The following PPP3CA variants were observed in gnomAD, a reference collection of about 807,000 sequenced individuals.
The protein encoded by PPP3CA is CAM-PRP catalytic subunit.
A neutral mutation model predicts 66.5 loss-of-function variants in PPP3CA; 14 were observed. The ratio of observed to expected loss-of-function variants is 0.21; its 90% CI spans 0.14 to 0.33. The LOEUF (loss-of-function observed/expected upper bound fraction) is 0.33. Ranked by LOEUF, PPP3CA falls within the 10% of genes least tolerant of loss-of-function variation. PPP3CA has a pLI of 1.00. For synonymous variants in PPP3CA, 232 were observed against 226.2 expected, an observed-to-expected ratio of 1.03 and a Z score of -0.23; for missense variants, 317 against 639.5, an observed-to-expected ratio of 0.50 and a Z score of 5.44.
chr4:101,179,607 G>C (rs1485184234), intron 2 of PPP3CA, among the ~76,000 whole-genome samples: 2 of 152,092 alleles, frequency 1.3e-5, no homozygotes, highest in Admixed American at 1.3e-4. Context: ...CAAGTAATTT[G>C]TCTCATCACT....
At chr4:101,221,676 G>T (rs1003430714) in intron 1 of PPP3CA, among the ~76,000 whole-genome samples, 1 of 151,514 alleles carries the variant, frequency 6.6e-6, no homozygotes, top group Non-Finnish European at 1.5e-5. Context: ...CCAGCAATGG[G>T]CACACAGAAA....
intron 6 of PPP3CA, among the ~76,000 whole-genome samples, chr4:101,092,428 GTT>G (rs35795123): frequency 6.9e-5 from 10 of 144,902 alleles, no homozygotes; most frequent in African/African-American, 1.0e-4. Context: ...TTTTGGTACA[GTT>G]TTTTTTTTTT....
At chr4:101,270,526 A>G (rs1175029323) in intron 1 of PPP3CA, among the ~76,000 whole-genome samples, 1 of 152,214 alleles carries the variant, frequency 6.6e-6, no homozygotes, top group African/African-American at 2.4e-5. Flanking sequence ...ATTTCCTACC[A>G]GTTATTTGAG....
intron 2 of PPP3CA, among the ~76,000 whole-genome samples, chr4:101,140,647 T>C (rs1240356118): frequency 1.3e-5 from 2 of 152,240 alleles, no homozygotes; most frequent in East Asian, 3.8e-4. Flanking sequence ...AAAGTCCTTT[T>C]TTTGAAGTCA....
intron 10 of PPP3CA, among the ~76,000 whole-genome samples, chr4:101,056,702 C>T (rs1027581924): frequency 1.3e-5 from 2 of 152,064 alleles, no homozygotes; most frequent in African/African-American, 4.8e-5. Context: ...TTTGCCTTTT[C>T]AGGCAACAAA....
rs70961774 is a variant in PPP3CA, at chr4:101,106,453, GAGAAAAGAAAAGAAA to G, written c.384+2486_384+2500del. ...AGAAAGAAAGAAAGAAAGAAAGAAA[GAGAAAAGAAAAGAAA>G]AGAAAAGAAAAGAAAAGAAAAGAAA... is the stretch of plus-strand genomic sequence containing the variant. On this transcript the variant is annotated intron_variant, in intron 3 of 13. Coordinates refer to ENST00000394854, the MANE Select transcript of PPP3CA (RefSeq NM_000944.5). Among the ~76,000 whole-genome samples, 38 of 35,512 alleles carry G rather than the reference GAGAAAAGAAAAGAAA, an allele frequency of 1.1e-3. 6 individuals are homozygous for G. In the East Asian group the frequency reaches 0.015, roughly 14 times the overall value. 23.3% of individuals were successfully genotyped at this position (35,512 alleles called of 152,430 possible).
intron 2 of PPP3CA, among the ~76,000 whole-genome samples, chr4:101,150,125 T>C (rs778117193): frequency 6.6e-6 from 1 of 152,078 alleles, no homozygotes; most frequent in African/African-American, 2.4e-5. Flanking sequence ...CACCCCACTA[T>C]ATAAAGACTG....
chr4:101,198,655 C>T (rs965205997), intron 1 of PPP3CA, among the ~76,000 whole-genome samples: 1 of 152,054 alleles, frequency 6.6e-6, no homozygotes, highest in Non-Finnish European at 1.5e-5. Flanking sequence ...TCTGAAAGTG[C>T]CAAAGCATTT....
chr4:101,160,070 T>C (rs1231561176), intron 2 of PPP3CA, among the ~76,000 whole-genome samples: 4 of 151,452 alleles, frequency 2.6e-5, no homozygotes, highest in Non-Finnish European at 2.9e-5. Flanking sequence ...CTTGGGAAAG[T>C]AGAGAAGAAA....
chr4:101,074,066 T>C (rs962571306), intron 8 of PPP3CA, among the ~76,000 whole-genome samples: 3 of 152,224 alleles, frequency 2.0e-5, no homozygotes, highest in African/African-American at 7.2e-5. Context: ...CCAGTGATCA[T>C]ATTTAACCTG....
At chr4:101,128,043 C>A (rs759474899) in intron 2 of PPP3CA, among the ~76,000 whole-genome samples, 9 of 152,176 alleles carry the variant, frequency 5.9e-5, no homozygotes, top group Non-Finnish European at 1.2e-4. Flanking sequence ...TTTCTGCCAT[C>A]ATAAGCCCCT....
chr4:101,109,138 A>C, intron 2 of PPP3CA, 60 bp from the exon 3 acceptor site: 1 of 1,470,304 alleles, frequency 6.8e-7, no homozygotes, highest in Non-Finnish European at 9.2e-7. Flanking sequence ...ATTAAATAAT[A>C]AAATTACAAA....
At chr4:101,319,668 T>G (rs1175417510) in intron 1 of PPP3CA, among the ~76,000 whole-genome samples, 1 of 152,128 alleles carries the variant, frequency 6.6e-6, no homozygotes, top group Admixed American at 6.6e-5. Flanking sequence ...ACAAATCAGT[T>G]AAAAAATTGA....
chr4:101,235,441 A>T (rs1345396507), intron 1 of PPP3CA, among the ~76,000 whole-genome samples: 5 of 151,578 alleles, frequency 3.3e-5, no homozygotes, highest in South Asian at 2.1e-4. Flanking sequence ...TCACACACAC[A>T]CACACACACA....
chr4:101,160,815 A>T (rs1374119161), intron 2 of PPP3CA, among the ~76,000 whole-genome samples: 1 of 152,122 alleles, frequency 6.6e-6, no homozygotes, highest in Non-Finnish European at 1.5e-5. Flanking sequence ...CCAAATTGGT[A>T]ATAAGGGGCT....
chr4:101,105,572 G>GA (rs756545474), intron 3 of PPP3CA, among the ~76,000 whole-genome samples: 77 of 149,776 alleles, frequency 5.1e-4, no homozygotes, highest in Non-Finnish European at 9.5e-4. Context: ...CACTCTTCAA[G>GA]AAAAAAAACA....
intron 1 of PPP3CA, among the ~76,000 whole-genome samples, chr4:101,289,872 G>A (rs1349392203): frequency 1.6e-4 from 5 of 31,290 alleles, no homozygotes; most frequent in Non-Finnish European, 2.4e-4. Context: ...GTCCGTGTAT[G>A]TGTGTGTGTG....
intron 1 of PPP3CA, among the ~76,000 whole-genome samples, chr4:101,341,238 G>A (rs2110342166): frequency 7.5e-6 from 1 of 133,812 alleles, no homozygotes; most frequent in Admixed American, 8.1e-5. Context: ...ATATGGTCTT[G>A]CTATGTTGCC....
At chr4:101,259,354 G>T (rs1411415400) in intron 1 of PPP3CA, among the ~76,000 whole-genome samples, 2 of 151,612 alleles carry the variant, frequency 1.3e-5, no homozygotes, top group African/African-American at 4.8e-5. Context: ...CATTCATTCA[G>T]CAAGCAAGCA....
Sources: gnomAD v4.1 joint callset for allele counts (sites outside exome capture counted in the v4.1 genomes callset) on GRCh38, gnomAD v4.1.1 for gene constraint, MANE v1.5 for transcripts, NCBI Gene and HGNC (gene_info 2026-07-23, HGNC 2026-07-21) for gene names.